Variants in NRG3 observed in about 807,000 individuals in gnomAD.
The protein encoded by NRG3 is pro-neuregulin-3, membrane-bound isoform.
A neutral mutation model predicts 66.9 loss-of-function variants in NRG3; 31 were observed. The ratio of observed to expected loss-of-function variants is 0.46; its 90% CI spans 0.35 to 0.63. The LOEUF (loss-of-function observed/expected upper bound fraction) is 0.63. Among genes scored for constraint, NRG3 ranks in the 20% least tolerant of loss-of-function variants. The pLI is 0.00. For missense variants in NRG3, 910 were observed against 878.9 expected, an observed-to-expected ratio of 1.04 and a Z score of -0.45; for synonymous variants, 393 against 359.4, an observed-to-expected ratio of 1.09 and a Z score of -1.06.
chr10:82,017,080 TC>T (rs2061819085), intron 1 of NRG3, among the ~76,000 whole-genome samples: 1 of 152,070 alleles, frequency 6.6e-6, no homozygotes, highest in African/African-American at 2.4e-5. Context: ...GCTATCCCTC[TC>T]CCCTCTCCCC....
intron 1 of NRG3, among the ~76,000 whole-genome samples, chr10:82,085,794 G>T (rs1028485874): frequency 2.0e-5 from 3 of 151,904 alleles, no homozygotes; most frequent in Non-Finnish European, 1.5e-5. Context: ...CTGCCATCAG[G>T]CCCGGCTAAT....
intron 3 of NRG3, among the ~76,000 whole-genome samples, chr10:82,805,570 T>A (rs2135465477): frequency 6.6e-6 from 1 of 152,248 alleles, no homozygotes; most frequent in Middle Eastern, 3.4e-3. Context: ...GGGAGAGGTG[T>A]CATTGCCAGA....
chr10:82,111,502 T>C (rs1376992507), intron 1 of NRG3, among the ~76,000 whole-genome samples: 1 of 152,140 alleles, frequency 6.6e-6, no homozygotes, highest in Non-Finnish European at 1.5e-5. Flanking sequence ...TGCTGTTATC[T>C]GAGGCTTCCA....
At chr10:82,898,489 A>G (rs1843875882) in intron 4 of NRG3, among the ~76,000 whole-genome samples, 1 of 152,102 alleles carries the variant, frequency 6.6e-6, no homozygotes, top group Admixed American at 6.5e-5. Context: ...TTCTGACTAC[A>G]CAAAAGTAGA....
chr10:82,023,179 T>C (rs1368568508), intron 1 of NRG3, among the ~76,000 whole-genome samples: 1 of 152,022 alleles, frequency 6.6e-6, no homozygotes, highest in Non-Finnish European at 1.5e-5. Context: ...GTTGGTGTAT[T>C]GACCTGATAC....
intron 2 of NRG3, among the ~76,000 whole-genome samples, chr10:82,493,798 G>A (rs1843373718): frequency 6.6e-6 from 1 of 152,184 alleles, no homozygotes; most frequent in Admixed American, 6.5e-5. Flanking sequence ...ACTATCATCA[G>A]AGGAAACAGG....
chr10:82,246,121 C>T (rs1419035342), intron 1 of NRG3, among the ~76,000 whole-genome samples: 1 of 151,412 alleles, frequency 6.6e-6, no homozygotes, highest in Non-Finnish European at 1.5e-5. Flanking sequence ...CTCTCTGTGT[C>T]CTTGCAGTTT....
intron 3 of NRG3, among the ~76,000 whole-genome samples, chr10:82,790,394 T>C (rs1340850671): frequency 6.6e-6 from 1 of 152,156 alleles, no homozygotes; most frequent in African/African-American, 2.4e-5. Context: ...AGTTTGAATA[T>C]GTCATCCCAC....
chr10:81,997,122 G>T (rs928197239), intron 1 of NRG3, among the ~76,000 whole-genome samples: 1 of 152,152 alleles, frequency 6.6e-6, no homozygotes, highest in Non-Finnish European at 1.5e-5. Context: ...TGTATCTGGC[G>T]ACTCATTCAT....
intron 1 of NRG3, among the ~76,000 whole-genome samples, chr10:81,927,754 C>T (rs1354830889): frequency 6.6e-6 from 1 of 151,998 alleles, no homozygotes; most frequent in East Asian, 1.9e-4. Context: ...ACTGATGGAC[C>T]CCCTCTTGGC....
In NRG3 at chr10:82,004,020, C is replaced by T. The variant is rs556665238; in HGVS notation, c.823+127857C>T. On this transcript the variant is annotated intron_variant, in intron 1 of 8. Coordinates refer to ENST00000372141, the MANE Select transcript of NRG3 (RefSeq NM_001010848.4). ...ACACACACACACACACACACACACA[C>T]ACACACACACACACAGATACCTTAG... Among the ~76,000 whole-genome samples the T allele has an allele frequency of 2.0e-3, 306 of 150,806 alleles. 3 individuals are homozygous for T. The South Asian group carries it at 0.024, about 12-fold the overall frequency.
chr10:82,461,313 ACACCATCACCACCACCAC>A (rs1420163710), intron 2 of NRG3, among the ~76,000 whole-genome samples: 4 of 150,680 alleles, frequency 2.7e-5, no homozygotes, highest in Non-Finnish European at 5.9e-5. Flanking sequence ...GCTATCATCA[ACACCATCACCACCACCAC>A]CACCATCACC....
chr10:82,748,177 TC>T lies in NRG3; in HGVS notation c.1027+9529del, dbSNP rs1430780963. On this transcript the variant is annotated intron_variant, in intron 3 of 8. Coordinates refer to ENST00000372141, the MANE Select transcript of NRG3 (RefSeq NM_001010848.4). ...GTAGTTTACATTTGGTAAGATTATT[TC>T]CTCAATTTAAAAATATATAATTGGT... 3.3e-5 allele frequency among the ~76,000 whole-genome samples: 5 copies of T among 151,790 alleles called. No individual in the cohort carries two copies. In the East Asian group the frequency reaches 9.6e-4, roughly 29 times the overall value.
chr10:81,941,962 T>C (rs968659774), intron 1 of NRG3, among the ~76,000 whole-genome samples: 7 of 152,144 alleles, frequency 4.6e-5, no homozygotes, highest in Admixed American at 4.6e-4. Flanking sequence ...CTTTTATCTC[T>C]CCTCCAACAG....
chr10:82,447,195 T>C (rs1293439801), intron 2 of NRG3, among the ~76,000 whole-genome samples: 1 of 152,180 alleles, frequency 6.6e-6, no homozygotes, highest in African/African-American at 2.4e-5. Flanking sequence ...TTCTCCCAAA[T>C]TATGGTAAAT....
At chr10:81,898,779 A>G (rs1042011097) in intron 1 of NRG3, among the ~76,000 whole-genome samples, 2 of 152,002 alleles carry the variant, frequency 1.3e-5, no homozygotes, top group Non-Finnish European at 1.5e-5. Context: ...CTGTGTAGGC[A>G]TTGTAAATCA....
intron 1 of NRG3, among the ~76,000 whole-genome samples, chr10:82,210,134 G>A (rs1234672387): frequency 1.3e-5 from 2 of 152,084 alleles, no homozygotes; most frequent in Non-Finnish European, 2.9e-5. Flanking sequence ...CAAAATGAGA[G>A]GCTCTGCATA....
chr10:82,421,287 A>G (rs1180106001), intron 2 of NRG3, among the ~76,000 whole-genome samples: 1 of 152,102 alleles, frequency 6.6e-6, no homozygotes, highest in African/African-American at 2.4e-5. Context: ...TGATCTTTGT[A>G]TGACACATGC....
intron 2 of NRG3, among the ~76,000 whole-genome samples, chr10:82,659,588 G>A (rs543300484): frequency 4.8e-4 from 73 of 152,212 alleles, no homozygotes; most frequent in Admixed American, 2.2e-3. Context: ...AGGTTGCAGA[G>A]AGCCAAGATC....
Sources: gnomAD v4.1 joint callset for allele counts (sites outside exome capture counted in the v4.1 genomes callset) on GRCh38, gnomAD v4.1.1 for gene constraint, MANE v1.5 for transcripts, NCBI Gene and HGNC (gene_info 2026-07-23, HGNC 2026-07-21) for gene names.